Variants in HMGCLL1 observed in about 807,000 individuals in gnomAD.
HMGCLL1 encodes 3-hydroxy-3-methylglutaryl-CoA lyase like 1.
A neutral mutation model predicts 39.1 loss-of-function variants in HMGCLL1; 36 were observed. That is an observed-to-expected ratio of 0.92 (90% CI 0.71 to 1.22). The LOEUF (loss-of-function observed/expected upper bound fraction) is 1.22, where lower values mean the gene tolerates loss of function less well. Ranked by LOEUF, HMGCLL1 falls within the 50% of genes most tolerant of loss-of-function variation. The pLI is 0.00. For missense variants in HMGCLL1, 451 were observed against 416.5 expected (o/e 1.08, Z -0.72); for synonymous variants, 149 against 144.0 (o/e 1.03, Z -0.25).
At chr6:55,601,921 A>G in the HMGCLL1 span, among the ~76,000 whole-genome samples, 1 of 152,068 alleles carries the variant, frequency 6.6e-6, no homozygotes, top group East Asian at 1.9e-4. Flanking sequence ...TTTTCTACGC[A>G]CTTGTTTTCA....
chr6:55,643,204 G>T, the HMGCLL1 span, among the ~76,000 whole-genome samples: 1 of 152,018 alleles, frequency 6.6e-6, no homozygotes, highest in Non-Finnish European at 1.5e-5. Context: ...TTAGCTCTTT[G>T]ATGAATTGCC....
chr6:55,529,532 T>C (rs1768520546), intron 3 of HMGCLL1, among the ~76,000 whole-genome samples: 1 of 152,012 alleles, frequency 6.6e-6, no homozygotes, highest in African/African-American at 2.4e-5. Flanking sequence ...CAACAAGCAA[T>C]GCCATCACTG....
intron 7 of HMGCLL1, among the ~76,000 whole-genome samples, chr6:55,466,140 T>C (rs914386374): frequency 6.6e-6 from 1 of 152,066 alleles, no homozygotes; most frequent in Non-Finnish European, 1.5e-5. Flanking sequence ...CCTACAAGCC[T>C]CTATGGGAAG....
At chr6:55,484,148 A>C (rs1024510021) in intron 7 of HMGCLL1, among the ~76,000 whole-genome samples, 5 of 152,172 alleles carry the variant, frequency 3.3e-5, no homozygotes, top group Non-Finnish European at 7.3e-5. Context: ...CTTTCTAAGC[A>C]TAACTCCAAA....
At chr6:55,445,588 A>T (rs1424296851) in intron 7 of HMGCLL1, among the ~76,000 whole-genome samples, 1 of 152,010 alleles carries the variant, frequency 6.6e-6, no homozygotes, top group Non-Finnish European at 1.5e-5. Flanking sequence ...TTACTCTTGG[A>T]AAGATGTTCC....
intron 2 of HMGCLL1, 63 bp downstream of exon 2, chr6:55,541,997 A>G (rs1364984699): frequency 3.5e-6 from 4 of 1,135,812 alleles, no homozygotes; most frequent in African/African-American, 3.2e-5. Flanking sequence ...ATCCATGTAA[A>G]TCTTTACAAT....
intron 1 of HMGCLL1, among the ~76,000 whole-genome samples, chr6:55,548,443 CAA>C (rs1332510064): frequency 6.6e-6 from 1 of 151,954 alleles, no homozygotes; most frequent in Admixed American, 6.6e-5. Context: ...TTGAATCAAT[CAA>C]GAGTAGTTAC....
the HMGCLL1 span, among the ~76,000 whole-genome samples, chr6:55,651,801 G>A: frequency 1.3e-5 from 2 of 152,076 alleles, no homozygotes; most frequent in Non-Finnish European, 2.9e-5. Context: ...GACTAGGGCT[G>A]GTCTAAATGT....
intron 8 of HMGCLL1, among the ~76,000 whole-genome samples, chr6:55,436,550 G>A (rs1285743752): frequency 6.6e-6 from 1 of 151,978 alleles, no homozygotes; most frequent in Non-Finnish European, 1.5e-5. Flanking sequence ...AGTGGATTAA[G>A]CACAAACTTG....
chr6:55,673,759 G>GCT, the HMGCLL1 span, among the ~76,000 whole-genome samples: 1 of 151,924 alleles, frequency 6.6e-6, no homozygotes, highest in East Asian at 1.9e-4. Flanking sequence ...TACTTTTCCT[G>GCT]CTCATTGTGT....
At chr6:55,439,692 T>C (rs1581781183) in intron 7 of HMGCLL1, 133 bp from the exon 8 acceptor site, 1 of 939,612 alleles carries the variant, frequency 1.1e-6, no homozygotes, top group South Asian at 1.8e-5. Flanking sequence ...ACTTACCCAG[T>C]GGCCTCTAGA....
the HMGCLL1 span, among the ~76,000 whole-genome samples, chr6:55,593,176 G>C: frequency 6.6e-6 from 1 of 152,040 alleles, no homozygotes; most frequent in African/African-American, 2.4e-5. Flanking sequence ...CCAGGTCAAG[G>C]AGTCAGATTC....
chr6:55,601,925 G>GT, the HMGCLL1 span, among the ~76,000 whole-genome samples: 1 of 151,886 alleles, frequency 6.6e-6, no homozygotes, highest in Non-Finnish European at 1.5e-5. Flanking sequence ...CTACGCACTT[G>GT]TTTTCAGTCT....
At chr6:55,563,258 T>C (rs1581953874) in intron 1 of HMGCLL1, among the ~76,000 whole-genome samples, 4 of 152,104 alleles carry the variant, frequency 2.6e-5, no homozygotes, top group Non-Finnish European at 5.9e-5. Context: ...CTAAGAAGTA[T>C]TGGCATGTGC....
chr6:55,473,929 C>T (rs948407332), intron 7 of HMGCLL1, among the ~76,000 whole-genome samples: 3 of 151,424 alleles, frequency 2.0e-5, no homozygotes, highest in African/African-American at 7.3e-5. Context: ...TTACTTCATT[C>T]TACTTTCTAG....
chr6:55,633,659 G>C, the HMGCLL1 span, among the ~76,000 whole-genome samples: 1 of 151,998 alleles, frequency 6.6e-6, no homozygotes, highest in Non-Finnish European at 1.5e-5. Flanking sequence ...AATGATATAA[G>C]CAAATAGTGT....
At chr6:55,622,173 A>G in the HMGCLL1 span, among the ~76,000 whole-genome samples, 2 of 152,126 alleles carry the variant, frequency 1.3e-5, no homozygotes, top group East Asian at 1.9e-4. Flanking sequence ...TGTTTTTGGT[A>G]GAGTCATTGT....
intron 7 of HMGCLL1, 29 bp downstream of exon 7, chr6:55,495,390 A>C (rs1766517358): frequency 6.4e-7 from 1 of 1,554,890 alleles, no homozygotes; most frequent in Non-Finnish European, 8.8e-7. Context: ...CCCTATGCAC[A>C]CACATAACAC....
intron 7 of HMGCLL1, among the ~76,000 whole-genome samples, chr6:55,489,206 A>C (rs539323706): frequency 7.9e-5 from 12 of 152,232 alleles, no homozygotes; most frequent in Admixed American, 3.3e-4. Context: ...TTTAAAAATA[A>C]AAAGCTTAAT....
Sources: gnomAD v4.1 joint callset for allele counts (sites outside exome capture counted in the v4.1 genomes callset) on GRCh38, gnomAD v4.1.1 for gene constraint, MANE v1.5 for transcripts, NCBI Gene and HGNC (gene_info 2026-07-23, HGNC 2026-07-21) for gene names.